The following BRIP1 variants were observed in gnomAD, a reference collection of about 807,000 sequenced individuals.
BRIP1 encodes the protein BRCA1 interacting DNA helicase 1, also known as Fanconi anemia group J protein.
A neutral mutation model predicts 119.7 loss-of-function variants in BRIP1; 88 were observed. The observed-to-expected ratio is 0.74, with a 90% CI of 0.62 to 0.88. The LOEUF is 0.88. Among genes scored for constraint, BRIP1 ranks in the 40% least tolerant of loss-of-function variants. The probability of loss-of-function intolerance (pLI) is 0.00; values close to 1 mark genes in which losing one functional copy is unlikely to be tolerated. For missense variants in BRIP1, 1,259 were observed against 1,455.4 expected, an observed-to-expected ratio of 0.87 and a Z score of 2.20; for synonymous variants, 443 against 496.5, an observed-to-expected ratio of 0.89 and a Z score of 1.43.
intron 17 of BRIP1, 126 bp downstream of exon 17, chr17:61,715,825 C>T: frequency 5.1e-6 from 3 of 587,402 alleles, no homozygotes; most frequent in Non-Finnish European, 8.8e-6. Context: ...TGAATACATA[C>T]CAGTTCCTAT....
In BRIP1 at chr17:61,776,646, G is replaced by T. The variant is rs869312543; in HGVS notation, c.1936-84C>A. The T allele has an allele frequency of 4.3e-6, 6 of 1,401,040 alleles. No individual in the cohort carries two copies. In the African/African-American group the frequency reaches 5.7e-5, roughly 13 times the overall value. 86.8% of individuals were successfully genotyped at this position (1,401,040 alleles called of 1,614,324 possible). A position where few individuals can be genotyped will look rare whatever the true frequency, so the allele number is the denominator to read the frequency against. ...TTTATTTGGAAGTATGTACATAAAA[G>T]ATCAAGCAACAAGTTTAACAATTTA... On this transcript the variant is annotated intron_variant, in intron 13 of 19. Transcript: ENST00000259008. This position sits in a 1 kb window ranked among gnomAD's most constrained non-coding sequence, Gnocchi z 5.0.
rs1465283737 is a variant in BRIP1, at chr17:61,776,418, A to C, written c.2080T>G (p.Phe694Val). 6.2e-7 allele frequency: 1 copy of C among 1,614,050 alleles called. No homozygotes were observed. The highest frequency in any genetic ancestry group is 8.5e-7 in the Non-Finnish European group (1 of 1,180,034). Residue 694 changes from phenylalanine (F) to valine (V), a missense_variant, in exon 14 of 20, where the codon TTC (phenylalanine) becomes GTC (valine). Phe to Val is a conservative substitution (Grantham distance 50). This residue lies in a region of BRIP1 where 753 missense variants were observed against 891.8 expected (regional missense o/e 0.84). Coordinates refer to ENST00000259008, the MANE Select transcript of BRIP1 (RefSeq NM_032043.3). This position sits in a 1 kb window ranked among gnomAD's most constrained non-coding sequence, Gnocchi z 5.0. ...TCCCTTACCTTGTAAGATGGCAAGA[A>C]ACACAAAATTCCTTGGCTCACAGTC... Reference protein sequence around the residue: ...CQTVSQGILCFLPSYKLLEKL... With the variant: ...CQTVSQGILCVLPSYKLLEKL...
chr17:61,707,160 G>A (rs2061702272), intron 17 of BRIP1, among the ~76,000 whole-genome samples: 1 of 151,968 alleles, frequency 6.6e-6, no homozygotes, highest in African/African-American at 2.4e-5. Flanking sequence ...TGATAGTTTG[G>A]CTCATGTAGA....
intron 17 of BRIP1, 37 bp downstream of exon 17, chr17:61,715,914 T>C (rs776148244): frequency 3.0e-6 from 4 of 1,332,618 alleles, no homozygotes; most frequent in Non-Finnish European, 4.3e-6. Context: ...TATAGCCCTG[T>C]CACAGATAAT....
rs1351323211 is a variant in BRIP1 at position 61,736,369 on chromosome 17, AG to A, written c.2379+6643del. Among the ~76,000 whole-genome samples, 2 of 152,092 alleles carry A rather than the reference AG, an allele frequency of 1.3e-5. No homozygotes were observed. The highest frequency in any genetic ancestry group is 2.4e-5 in the African/African-American group (1 of 41,424). ...TATTTAAATAAATAAATAATAAAAG[AG>A]GGATAGCTAATATAGTCAATATAAG... On this transcript the variant is annotated intron_variant, in intron 16 of 19. Transcript: ENST00000259008. The surrounding 1 kb of genome is among the most constrained non-coding windows in gnomAD (Gnocchi z 4.4).
In BRIP1 at chr17:61,844,914, T is replaced by C. The variant is rs533312793; in HGVS notation, c.627+2187A>G. On this transcript the variant is annotated intron_variant, in intron 6 of 19. Coordinates refer to ENST00000259008, the MANE Select transcript of BRIP1 (RefSeq NM_032043.3). This position sits in a 1 kb window ranked among gnomAD's most constrained non-coding sequence, Gnocchi z 4.7. Reference sequence around the variant, plus strand: ...GAATACCAATATACCTGCTTCATAATCATTGTAAGAACTCAGTAACATTCA... The same window carrying C: ...GAATACCAATATACCTGCTTCATAACCATTGTAAGAACTCAGTAACATTCA... Among the ~76,000 whole-genome samples, 1 of 152,220 alleles carries C rather than the reference T, an allele frequency of 6.6e-6. No homozygotes were observed. Among genetic ancestry groups the C allele is most frequent in the East Asian group, 1.9e-4 (1 of 5,194 alleles).
At chr17:61,764,292 G>A (rs1353957140) in intron 14 of BRIP1, among the ~76,000 whole-genome samples, 1 of 152,200 alleles carries the variant, frequency 6.6e-6, no homozygotes, top group Non-Finnish European at 1.5e-5. Flanking sequence ...ACATTGCACA[G>A]CCCAGGATTT....
Position 61,860,638 on chromosome 17 carries a change from C to T in BRIP1, c.94-731G>A, listed in dbSNP as rs1029977344. 1.3e-5 allele frequency among the ~76,000 whole-genome samples: 2 copies of T among 151,952 alleles called. No individual in the cohort carries two copies. Among genetic ancestry groups the T allele is most frequent in the African/African-American group, 2.4e-5 (1 of 41,330 alleles). On this transcript the variant is annotated intron_variant, in intron 2 of 19. Coordinates refer to ENST00000259008, the MANE Select transcript of BRIP1 (RefSeq NM_032043.3). This position sits in a 1 kb window ranked among gnomAD's most constrained non-coding sequence, Gnocchi z 4.1. ...TCGCGCCACTGCACTCCAATCTGGG[C>T]GACAGAGTGAGACGCTGTCTCAAAA...
At position 61,740,147 on chromosome 17, in the gene BRIP1, C is replaced by CA. The variant is rs2144650591; in HGVS notation, c.2379+2865dup. On this transcript the variant is annotated intron_variant, in intron 16 of 19. Transcript: ENST00000259008. This position sits in a 1 kb window ranked among gnomAD's most constrained non-coding sequence, Gnocchi z 5.4. ...GACCACAGCACAGAGCATTAAAGTA[C>CA]AAGCAGAGCGCAGTGGTCCTGTTGA... 6.6e-6 allele frequency among the ~76,000 whole-genome samples: 1 copy of CA among 152,124 alleles called. No individual in the cohort carries two copies. Among genetic ancestry groups the CA allele is most frequent in the South Asian group, 2.1e-4 (1 of 4,820 alleles).
intron 16 of BRIP1, among the ~76,000 whole-genome samples, chr17:61,719,977 T>A (rs541576144): frequency 6.6e-6 from 1 of 152,062 alleles, no homozygotes; most frequent in Admixed American, 6.5e-5. Context: ...TACAGGTGTG[T>A]GCTGCCATGC....
In BRIP1 at chr17:61,804,954, C is replaced by CTGTGTG. The variant is rs59414906; in HGVS notation, c.919-3486_919-3481dup. Among the ~76,000 whole-genome samples the CTGTGTG allele has an allele frequency of 1.4e-4, 19 of 139,222 alleles. No individual in the cohort carries two copies. The highest frequency in any genetic ancestry group is 1.1e-3 in the East Asian group (5 of 4,708). The allele number at this position is 139,222 out of a possible 152,430, so 91.3% of individuals were successfully genotyped here. On this transcript the variant is annotated intron_variant, in intron 7 of 19. Coordinates refer to ENST00000259008, the MANE Select transcript of BRIP1 (RefSeq NM_032043.3). The surrounding 1 kb of genome is among the most constrained non-coding windows in gnomAD (Gnocchi z 4.5). ...GGCAGGATGAAATGTCTCTCTCTTT[C>CTGTGTG]TGTGTGTGTGTGTGTGTGTGTGTGT...
Position 61,805,661 on chromosome 17 carries a change from A to T in BRIP1, c.918+2806T>A, listed in dbSNP as rs142761960. ...TAAGATTCCTTCTGACTCACTGACT[A>T]TATCATCTCTAAAATTCCTTCCAGC... is the stretch of plus-strand genomic sequence containing the variant. On this transcript the variant is annotated intron_variant, in intron 7 of 19. Transcript: ENST00000259008. The surrounding 1 kb of genome is among the most constrained non-coding windows in gnomAD (Gnocchi z 5.6). Among the ~76,000 whole-genome samples, 3 of 152,180 alleles carry T rather than the reference A, an allele frequency of 2.0e-5. No individual in the cohort carries two copies. The highest frequency in any genetic ancestry group is 4.4e-5 in the Non-Finnish European group (3 of 68,040).
Position 61,722,266 on chromosome 17 carries a change from C to T in BRIP1, c.2380-6203G>A, listed in dbSNP as rs371432929. Among the ~76,000 whole-genome samples the T allele has an allele frequency of 2.0e-5, 3 of 152,034 alleles. No individual in the cohort carries two copies. The highest frequency in any genetic ancestry group is 2.0e-4 in the Admixed American group (3 of 15,260). ...ACTGTGTTAGCCAGGTGATCTTGAT[C>T]TCCAGACCTGGTGATCCCTCTGCCT... On this transcript the variant is annotated intron_variant, in intron 16 of 19. Transcript: ENST00000259008. This position sits in a 1 kb window ranked among gnomAD's most constrained non-coding sequence, Gnocchi z 4.6.
rs2061444653 is a variant in BRIP1 at position 61,691,343 on chromosome 17, C to T, written c.2575+2087G>A. ...CAACTAAGGAGGCAAAAAACCTGTACACTGGAAATTATAAAACATTGCTGA... is the reference window on the plus strand; with the variant it reads ...CAACTAAGGAGGCAAAAAACCTGTATACTGGAAATTATAAAACATTGCTGA... On this transcript the variant is annotated intron_variant, in intron 18 of 19. Coordinates refer to ENST00000259008, the MANE Select transcript of BRIP1 (RefSeq NM_032043.3). The surrounding 1 kb of genome is among the most constrained non-coding windows in gnomAD (Gnocchi z 5.0). Among the ~76,000 whole-genome samples, 1 of 152,038 alleles carries T rather than the reference C, an allele frequency of 6.6e-6. No homozygotes were observed. The highest frequency in any genetic ancestry group is 6.5e-5 in the Admixed American group (1 of 15,270).
Position 61,754,705 on chromosome 17 carries a change from G to A in BRIP1, c.2098-10114C>T, listed in dbSNP as rs999087581. 4.3e-4 allele frequency among the ~76,000 whole-genome samples: 65 copies of A among 152,282 alleles called. No homozygotes were observed. The highest frequency in any genetic ancestry group is 1.6e-3 in the African/African-American group (65 of 41,562). ...TATGAAGTCCAAGATAAAGGTGCCTGTTAACTTGATTTCTGGTTAGGGCTC... is the reference window on the plus strand; with the variant it reads ...TATGAAGTCCAAGATAAAGGTGCCTATTAACTTGATTTCTGGTTAGGGCTC... On this transcript the variant is annotated intron_variant, in intron 14 of 19. Transcript: ENST00000259008. The surrounding 1 kb of genome is among the most constrained non-coding windows in gnomAD (Gnocchi z 4.1).
Position 61,822,305 on chromosome 17 carries a change from C to T in BRIP1, c.628-13548G>A, listed in dbSNP as rs1232382222. ...AATATCACTTTTATAAAAACAATTA[C>T]ATTTTTTAAAAACATACACAGAAAA... On this transcript the variant is annotated intron_variant, in intron 6 of 19. Coordinates refer to ENST00000259008, the MANE Select transcript of BRIP1 (RefSeq NM_032043.3). This position sits in a 1 kb window ranked among gnomAD's most constrained non-coding sequence, Gnocchi z 4.4. Among the ~76,000 whole-genome samples, 2 of 152,188 alleles carry T rather than the reference C, an allele frequency of 1.3e-5. No individual in the cohort carries two copies. The highest frequency in any genetic ancestry group is 3.9e-4 in the East Asian group (2 of 5,188).
rs1163945426 is a variant in BRIP1 at position 61,774,448 on chromosome 17, T to C, written c.2097+1953A>G. On this transcript the variant is annotated intron_variant, in intron 14 of 19. Transcript: ENST00000259008. This position sits in a 1 kb window ranked among gnomAD's most constrained non-coding sequence, Gnocchi z 5.8. ...TGGGGCCTGTTCTGGGGTGGGGGCCTAGGGGAGGGATAGCATTAGGAGAAA... is the reference window on the plus strand; with the variant it reads ...TGGGGCCTGTTCTGGGGTGGGGGCCCAGGGGAGGGATAGCATTAGGAGAAA... Among the ~76,000 whole-genome samples, 1 of 151,848 alleles carries C rather than the reference T, an allele frequency of 6.6e-6. No individual in the cohort carries two copies. The highest frequency in any genetic ancestry group is 1.5e-5 in the Non-Finnish European group (1 of 67,956).
In BRIP1 at chr17:61,803,285, T is replaced by C. The variant is rs34289250; in HGVS notation, c.919-1811A>G. Among the ~76,000 whole-genome samples the C allele has an allele frequency of 7.8e-3, 1,186 of 152,280 alleles. 6 individuals are homozygous for C. The highest frequency in any genetic ancestry group is 0.012 in the Non-Finnish European group (833 of 68,010). On this transcript the variant is annotated intron_variant, in intron 7 of 19. Transcript: ENST00000259008. The surrounding 1 kb of genome is among the most constrained non-coding windows in gnomAD (Gnocchi z 4.3). ...TTTTTGTAGAGACAGGGTTTTGTCA[T>C]GTTGCTCAGGCTGGTCTTGAACTCC...
intron 16 of BRIP1, among the ~76,000 whole-genome samples, chr17:61,719,741 G>A (rs1171024948): frequency 6.6e-6 from 1 of 151,324 alleles, no homozygotes; most frequent in Non-Finnish European, 1.5e-5. Context: ...AAAAAAAAAG[G>A]TTAATCTCAT....
Sources: allele counts gnomAD v4.1 joint callset (sites outside exome capture counted in the v4.1 genomes callset), GRCh38; gene constraint gnomAD v4.1.1; regional missense constraint gnomAD v4.1.1; non-coding constraint Gnocchi (gnomAD v3.1); transcripts MANE v1.5; gene names NCBI Gene and HGNC (gene_info 2026-07-23, HGNC 2026-07-21).